SLC25A33: variants seen among roughly 807,000 people sequenced by gnomAD.
The protein encoded by SLC25A33 is bone marrow stromal cell mitochondrial carrier protein.
A neutral mutation model predicts 35.5 loss-of-function variants in SLC25A33; 15 were observed. That is an observed-to-expected ratio of 0.42 (90% CI 0.28 to 0.65). The LOEUF (loss-of-function observed/expected upper bound fraction) is 0.65. SLC25A33 is among the 30% of genes least tolerant of loss of function. The pLI, the probability that SLC25A33 is intolerant of heterozygous loss-of-function variation, is 0.20. For missense variants in SLC25A33, 257 were observed against 398.5 expected (o/e 0.64, Z 3.02); for synonymous variants, 136 against 148.7 (o/e 0.91, Z 0.62).
chr1:9,581,927 ATTTATTT>A (rs1643750025), intron 6 of SLC25A33, among the ~76,000 whole-genome samples: 1 of 151,858 alleles, frequency 6.6e-6, no homozygotes, highest in South Asian at 2.1e-4. Context: ...TATTTTATTT[ATTTATTT>A]TTTGAGACAG....
At chr1:9,577,927 G>A (rs987626697) in intron 5 of SLC25A33, among the ~76,000 whole-genome samples, 2 of 152,012 alleles carry the variant, frequency 1.3e-5, no homozygotes, top group Non-Finnish European at 2.9e-5. Context: ...AACTCTGGAT[G>A]TTTTGTTTTG....
Position 9,553,770 on chromosome 1 carries a change from A to G in SLC25A33, c.201A>G (p.Pro67=), listed in dbSNP as rs1339745387. The change falls in exon 2 of 7, where the codon CCA becomes CCG. Residue 67 remains proline (P), a synonymous_variant. Transcript: ENST00000302692. ...TTAGTGGAGCTGGAATGGTGAGACC[A>G]ACATCCGTGACACCTGGACTCTTTC... is the stretch of plus-strand genomic sequence containing the variant. ...GTISGAGMVR[P]TSVTPGLFQV... is the part of the protein sequence containing the mutation. 1.9e-6 allele frequency: 3 copies of G among 1,614,034 alleles called. No homozygotes were observed. The highest frequency in any genetic ancestry group is 2.7e-5 in the African/African-American group (2 of 74,914).
intron 1 of SLC25A33, among the ~76,000 whole-genome samples, chr1:9,550,517 ATTTC>A (rs759540252): frequency 6.6e-5 from 10 of 151,988 alleles, no homozygotes; most frequent in Non-Finnish European, 2.9e-5. Context: ...GATTTCAGAT[ATTTC>A]TTTATTTTAC....
intron 4 of SLC25A33, among the ~76,000 whole-genome samples, chr1:9,571,812 T>C (rs1325914844): frequency 6.6e-6 from 1 of 152,100 alleles, no homozygotes; most frequent in Non-Finnish European, 1.5e-5. Flanking sequence ...CTAATTTTTT[T>C]GTATTTTTTG....
At chr1:9,566,124 T>C (rs1010782931) in intron 2 of SLC25A33, among the ~76,000 whole-genome samples, 6 of 152,062 alleles carry the variant, frequency 3.9e-5, no homozygotes, top group African/African-American at 1.4e-4. Flanking sequence ...ACTGCAGCCT[T>C]GACCTCCCAG....
chr1:9,559,822 G>A (rs905429219), intron 2 of SLC25A33, among the ~76,000 whole-genome samples: 1 of 152,130 alleles, frequency 6.6e-6, no homozygotes, highest in Non-Finnish European at 1.5e-5. Context: ...CTAAGCTAAC[G>A]GCGGTGACGA....
At chr1:9,568,388 G>A (rs1483848292) in intron 3 of SLC25A33, among the ~76,000 whole-genome samples, 1 of 152,130 alleles carries the variant, frequency 6.6e-6, no homozygotes, top group Non-Finnish European at 1.5e-5. Context: ...AGGTTGCAGT[G>A]AGCTGAGATC....
chr1:9,572,019 C>G (rs150599907), intron 4 of SLC25A33, among the ~76,000 whole-genome samples: 4 of 152,186 alleles, frequency 2.6e-5, no homozygotes, highest in Non-Finnish European at 5.9e-5. Flanking sequence ...GATGTACACA[C>G]CAGTTTTGTC....
chr1:9,583,074 A>G lies in SLC25A33; in HGVS notation c.*573A>G, dbSNP rs1643766328. 6.6e-6 allele frequency: 1 copy of G among 152,184 alleles called. No homozygotes were observed. Among genetic ancestry groups the G allele is most frequent in the African/African-American group, 2.4e-5 (1 of 41,396 alleles). 9.4% of individuals were successfully genotyped at this position (152,184 alleles called of 1,614,324 possible). On this transcript the variant is annotated 3_prime_UTR_variant, in exon 7 of 7. Transcript: ENST00000302692. ...ACCCTGTCTCTACTAAAAATACAAAAATTAGCCGGACGTGTGCCTGTAATC... is the reference window on the plus strand; with the variant it reads ...ACCCTGTCTCTACTAAAAATACAAAGATTAGCCGGACGTGTGCCTGTAATC...
intron 1 of SLC25A33, among the ~76,000 whole-genome samples, chr1:9,548,833 T>C (rs1643217341): frequency 6.6e-6 from 1 of 152,234 alleles, no homozygotes; most frequent in African/African-American, 2.4e-5. Flanking sequence ...CACTGGCTAC[T>C]GGAGCCCTCA....
chr1:9,576,973 G>A, intron 5 of SLC25A33: 2 of 1,227,868 alleles, frequency 1.6e-6, no homozygotes, highest in Non-Finnish European at 2.4e-6. Flanking sequence ...CTGTTCAGCA[G>A]GCTGATGAAT....
At chr1:9,564,316 T>A (rs1360352565) in intron 2 of SLC25A33, among the ~76,000 whole-genome samples, 1 of 152,182 alleles carries the variant, frequency 6.6e-6, no homozygotes, top group East Asian at 1.9e-4. Flanking sequence ...CCTTTTACAT[T>A]GCAGGCGGGA....
chr1:9,553,545 A>G, intron 1 of SLC25A33, 81 bp from the exon 2 acceptor site: 1 of 1,528,500 alleles, frequency 6.5e-7, no homozygotes, highest in South Asian at 1.2e-5. Flanking sequence ...TTCTAGTTTT[A>G]AAGAGAGAAA....
intron 4 of SLC25A33, among the ~76,000 whole-genome samples, chr1:9,572,338 T>A (rs9430152): frequency 6.6e-6 from 1 of 151,952 alleles, no homozygotes; most frequent in African/African-American, 2.4e-5. Context: ...TCAGCCGGGC[T>A]TGGTGGCTCA....
intron 3 of SLC25A33, among the ~76,000 whole-genome samples, chr1:9,568,839 C>CT (rs1268095381): frequency 6.7e-6 from 1 of 148,788 alleles, no homozygotes; most frequent in Non-Finnish European, 1.5e-5. Context: ...GAGCGAGACT[C>CT]TGTCTCAAAA....
intron 4 of SLC25A33, 77 bp from the exon 5 acceptor site, chr1:9,573,269 T>C: frequency 1.9e-6 from 2 of 1,066,908 alleles, no homozygotes; most frequent in East Asian, 2.6e-5. Flanking sequence ...TTTCAAAGTT[T>C]ATTATATGAT....
At chr1:9,544,549 G>A (rs1043914654) in intron 1 of SLC25A33, among the ~76,000 whole-genome samples, 9 of 152,048 alleles carry the variant, frequency 5.9e-5, no homozygotes, top group Admixed American at 3.9e-4. Flanking sequence ...GATTACAGGC[G>A]TGAGCCACCG....
intron 2 of SLC25A33, chr1:9,556,280 C>G (rs1377510244): frequency 1.0e-6 from 1 of 961,772 alleles, no homozygotes; most frequent in Non-Finnish European, 1.2e-6. Flanking sequence ...CAGTAACATT[C>G]AAAATGAATT....
At chr1:9,574,089 G>A (rs981189792) in intron 5 of SLC25A33, among the ~76,000 whole-genome samples, 8 of 150,666 alleles carry the variant, frequency 5.3e-5, no homozygotes, top group African/African-American at 2.0e-4. Context: ...CTCCTAAGTA[G>A]AATAATGTAT....
Sources: gnomAD v4.1 joint callset for allele counts (sites outside exome capture counted in the v4.1 genomes callset) on GRCh38, gnomAD v4.1.1 for gene constraint, MANE v1.5 for transcripts, NCBI Gene and HGNC (gene_info 2026-07-23, HGNC 2026-07-21) for gene names.